The following TMEM196 variants were observed in gnomAD, a reference collection of about 807,000 sequenced individuals.
The protein encoded by TMEM196 is transmembrane protein 196.
A neutral mutation model predicts 20.0 loss-of-function variants in TMEM196; 17 were observed. The ratio of observed to expected loss-of-function variants is 0.85; its 90% confidence interval spans 0.58 to 1.27. TMEM196 has a LOEUF of 1.27. TMEM196 is among the 50% of genes most tolerant of loss of function. The pLI is 0.00. For missense variants in TMEM196, 267 were observed against 223.0 expected (o/e 1.20, Z -1.26); for synonymous variants, 113 against 88.9 (o/e 1.27, Z -1.52).
At position 19,734,231 on chromosome 7, in the gene TMEM196, TA is replaced by T. The variant is rs143934206; in HGVS notation, c.148-4794del. On this transcript the variant is annotated intron_variant, in intron 1 of 4. Transcript: ENST00000405844. ...CTCACACTAACAGCCTAAAAGTAGA[TA>T]TTAAGATAAAATACAAAATACTGAA... 4.6e-3 allele frequency among the ~76,000 whole-genome samples: 707 copies of T among 152,274 alleles called. 19 individuals carry two copies. The East Asian group carries it at 0.073, about 16-fold the overall frequency.
At position 19,757,321 on chromosome 7, in the gene TMEM196, G is replaced by A. The variant is rs78294908; in HGVS notation, c.147+15229C>T. Among the ~76,000 whole-genome samples the A allele has an allele frequency of 6.3e-3, 895 of 141,514 alleles. 7 individuals carry two copies. The highest frequency in any genetic ancestry group is 0.022 in the African/African-American group (827 of 37,684). 92.8% of individuals were successfully genotyped at this position (141,514 alleles called of 152,430 possible). A position where few individuals can be genotyped will look rare whatever the true frequency, so the allele number is the denominator to read the frequency against. On this transcript the variant is annotated intron_variant, in intron 1 of 4. Transcript: ENST00000405844. ...CCCAAGTAACTGGGACTATAGGTGC[G>A]TGTCACCACACCCAGCTTTTTTTTT... is the stretch of plus-strand genomic sequence containing the variant.
chr7:19,764,794 T>C (rs916734940), intron 1 of TMEM196, among the ~76,000 whole-genome samples: 3 of 152,102 alleles, frequency 2.0e-5, no homozygotes, highest in Non-Finnish European at 2.9e-5. Flanking sequence ...TTGTGCTTGT[T>C]GATTGATTGA....
intron 1 of TMEM196, among the ~76,000 whole-genome samples, chr7:19,762,605 A>G (rs1339428744): frequency 6.6e-6 from 1 of 152,228 alleles, no homozygotes; most frequent in African/African-American, 2.4e-5. Flanking sequence ...TTTCACATCA[A>G]GTATGACTAA....
In TMEM196 at chr7:19,772,611, C is replaced by G; in HGVS notation, c.86G>C (p.Gly29Ala). 1.3e-6 allele frequency: 2 copies of G among 1,547,238 alleles called. No individual in the cohort carries two copies. Among genetic ancestry groups the G allele is most frequent in the Non-Finnish European group, 1.7e-6 (2 of 1,145,880 alleles). The stretch of plus-strand genomic sequence containing the variant: ...GAGGGCCAGGCTGAAGCTGACCGCC[C>G]CCACGGCCACGCTGGACACCCCCAG... ...IGLGVSSVAV[G>A]AVSFSLALRE... Residue 29 changes from glycine (G) to alanine (A), a missense_variant, in exon 1 of 5, where the codon GGG becomes GCG. Physicochemically the swap from Gly to Ala is moderately conservative, Grantham distance 60 (BLOSUM62 0). Coordinates refer to ENST00000405844, the MANE Select transcript of TMEM196 (RefSeq NM_001363562.2).
intron 1 of TMEM196, among the ~76,000 whole-genome samples, chr7:19,744,654 A>T (rs1204919330): frequency 6.6e-6 from 1 of 152,212 alleles, no homozygotes; most frequent in African/African-American, 2.4e-5. Flanking sequence ...ATATCTAACG[A>T]TGAAATTTAC....
At chr7:19,722,501 C>G (rs1783847108) in intron 4 of TMEM196, among the ~76,000 whole-genome samples, 1 of 152,142 alleles carries the variant, frequency 6.6e-6, no homozygotes, top group Non-Finnish European at 1.5e-5. Context: ...AGCATGTCAA[C>G]AAAGTGCCAA....
At chr7:19,752,609 C>G (rs562095213) in intron 1 of TMEM196, among the ~76,000 whole-genome samples, 6 of 150,878 alleles carry the variant, frequency 4.0e-5, no homozygotes, top group African/African-American at 1.5e-4. Flanking sequence ...TTATGTATTT[C>G]TTTCTTTCTT....
rs1784705077 is a variant in TMEM196, at chr7:19,745,073, A to T, written c.148-15635T>A. On this transcript the variant is annotated intron_variant, in intron 1 of 4. Coordinates refer to ENST00000405844, the MANE Select transcript of TMEM196 (RefSeq NM_001363562.2). The stretch of plus-strand genomic sequence containing the variant: ...TGATGATGCACAAGTCCCTTATGTA[A>T]CAAGGCACACTATTTGCATATCATC... Among the ~76,000 whole-genome samples the T allele has an allele frequency of 3.3e-5, 5 of 152,098 alleles. No individual in the cohort carries two copies. In the South Asian group the frequency reaches 1.0e-3, roughly 32 times the overall value.
In TMEM196 at chr7:19,720,956, A is replaced by T. The variant is rs1349102755; in HGVS notation, c.*1172T>A. 1 of 151,964 alleles carries T rather than the reference A, an allele frequency of 6.6e-6. No individual in the cohort carries two copies. The highest frequency in any genetic ancestry group is 1.9e-4 in the East Asian group (1 of 5,204). 9.4% of individuals were successfully genotyped at this position (151,964 alleles called of 1,614,324 possible). On this transcript the variant is annotated 3_prime_UTR_variant, in exon 5 of 5. Transcript: ENST00000405844. ...ATCATCAATAATTTTAAGTCATGAT[A>T]TCTTTATAAATACGGAAGTATGTCA...
At chr7:19,751,251 G>A (rs935269855) in intron 1 of TMEM196, among the ~76,000 whole-genome samples, 7 of 152,208 alleles carry the variant, frequency 4.6e-5, no homozygotes, top group African/African-American at 9.7e-5. Flanking sequence ...GGCTTTTCAC[G>A]TTGAGCTGCT....
At chr7:19,738,224 G>A (rs140525081) in intron 1 of TMEM196, among the ~76,000 whole-genome samples, 195 of 152,118 alleles carry the variant, frequency 1.3e-3, no homozygotes, top group African/African-American at 4.2e-3. Context: ...AAGTAAATGC[G>A]TAGATGGTAA....
intron 1 of TMEM196, among the ~76,000 whole-genome samples, chr7:19,770,110 T>C (rs1785807747): frequency 6.6e-6 from 1 of 152,214 alleles, no homozygotes; most frequent in Non-Finnish European, 1.5e-5. Context: ...TAAGTCCTGA[T>C]AAACTTCCAA....
chr7:19,743,405 C>G (rs1325745564), intron 1 of TMEM196, among the ~76,000 whole-genome samples: 1 of 152,086 alleles, frequency 6.6e-6, no homozygotes, highest in Non-Finnish European at 1.5e-5. Context: ...TTGAAATAAA[C>G]ACAGGGAAGA....
chr7:19,759,546 G>C (rs1322556518), intron 1 of TMEM196, among the ~76,000 whole-genome samples: 1 of 152,014 alleles, frequency 6.6e-6, no homozygotes, highest in East Asian at 1.9e-4. Flanking sequence ...ACAGTCCACA[G>C]CATCTCTCTA....
Position 19,762,523 on chromosome 7 carries a change from TTAAAG to T in TMEM196, c.147+10022_147+10026del, listed in dbSNP as rs958978035. 5.8e-4 allele frequency among the ~76,000 whole-genome samples: 88 copies of T among 152,298 alleles called. 1 individual carries two copies. The highest frequency in any genetic ancestry group is 2.0e-3 in the African/African-American group (85 of 41,588). ...AATTTAATAAGTGTATTTATGTAAC[TTAAAG>T]TAGTTTTATATTAATGTAGGTTATT... On this transcript the variant is annotated intron_variant, in intron 1 of 4. Coordinates refer to ENST00000405844, the MANE Select transcript of TMEM196 (RefSeq NM_001363562.2).
intron 1 of TMEM196, among the ~76,000 whole-genome samples, chr7:19,769,316 G>A (rs769597670): frequency 2.6e-5 from 4 of 151,888 alleles, no homozygotes; most frequent in South Asian, 2.1e-4. Flanking sequence ...AAGTAAGAAT[G>A]GGTATTATTA....
intron 1 of TMEM196, among the ~76,000 whole-genome samples, chr7:19,741,965 C>A (rs751044533): frequency 1.2e-4 from 18 of 152,236 alleles, no homozygotes; most frequent in Admixed American, 9.8e-4. Flanking sequence ...GATGCTATTA[C>A]CTGCTATTGA....
intron 1 of TMEM196, among the ~76,000 whole-genome samples, chr7:19,745,154 A>G (rs1328217800): frequency 6.6e-6 from 1 of 152,202 alleles, no homozygotes; most frequent in Admixed American, 6.5e-5. Flanking sequence ...TAATGCAAAG[A>G]CAATATAAAT....
In TMEM196 at chr7:19,719,870, C is replaced by T. The variant is rs1023230501; in HGVS notation, c.*2258G>A. 8.5e-5 allele frequency: 13 copies of T among 152,192 alleles called. No homozygotes were observed. The highest frequency in any genetic ancestry group is 3.1e-4 in the African/African-American group (13 of 41,560). The allele number at this position is 152,192 out of a possible 1,614,324, so 9.4% of individuals were successfully genotyped here. On this transcript the variant is annotated 3_prime_UTR_variant, in exon 5 of 5. Transcript: ENST00000405844. ...ATGATGGCATCTCTTTTTAACTATA[C>T]ATCAAAGCAGTGATATGTCTCCTTT...
Sources: gnomAD v4.1 joint callset for allele counts (sites outside exome capture counted in the v4.1 genomes callset) on GRCh38, gnomAD v4.1.1 for gene constraint, MANE v1.5 for transcripts, NCBI Gene and HGNC (gene_info 2026-07-23, HGNC 2026-07-21) for gene names.